SMOC2: variants seen among roughly 807,000 people sequenced by gnomAD.
SMOC2 encodes the protein SPARC-related modular calcium-binding protein 2.
In SMOC2, 39 loss-of-function variants were observed where a neutral mutation model predicts 61.4. The ratio of observed to expected loss-of-function variants is 0.64; its 90% CI spans 0.49 to 0.83. The LOEUF is 0.83. Among genes scored for constraint, SMOC2 ranks in the 40% least tolerant of loss-of-function variants. The pLI is 0.00. For synonymous variants in SMOC2, 247 were observed against 239.9 expected, an observed-to-expected ratio of 1.03 and a Z score of -0.27; for missense variants, 556 against 592.9, an observed-to-expected ratio of 0.94 and a Z score of 0.65.
At chr6:168,637,096 C>T (rs1786759183) in intron 9 of SMOC2, among the ~76,000 whole-genome samples, 1 of 151,956 alleles carries the variant, frequency 6.6e-6, no homozygotes, top group Non-Finnish European at 1.5e-5. Flanking sequence ...TTTATTTTTT[C>T]ACTTTTTTGA....
chr6:168,636,887 C>A (rs1427584157), intron 9 of SMOC2, among the ~76,000 whole-genome samples: 2 of 128,964 alleles, frequency 1.6e-5, no homozygotes, highest in Non-Finnish European at 3.3e-5. Flanking sequence ...CGCCTCCCTC[C>A]TCCCACCTCC....
At chr6:168,558,403 G>T (rs1057208406) in intron 7 of SMOC2, among the ~76,000 whole-genome samples, 1 of 152,132 alleles carries the variant, frequency 6.6e-6, no homozygotes, top group Non-Finnish European at 1.5e-5. Flanking sequence ...CCTCCTGCAT[G>T]CCATCAGTCC....
At chr6:168,502,212 A>C (rs997544712) in intron 1 of SMOC2, among the ~76,000 whole-genome samples, 5 of 152,216 alleles carry the variant, frequency 3.3e-5, no homozygotes, top group African/African-American at 1.2e-4. Context: ...TAACATCTTC[A>C]TATCTTTTCC....
intron 1 of SMOC2, among the ~76,000 whole-genome samples, chr6:168,496,563 T>C (rs1782595360): frequency 6.6e-6 from 1 of 152,238 alleles, no homozygotes; most frequent in South Asian, 2.1e-4. Context: ...ACCAATCGCC[T>C]GTCGCCCCAG....
intron 10 of SMOC2, among the ~76,000 whole-genome samples, chr6:168,651,218 A>C (rs189047507): frequency 6.6e-6 from 1 of 152,340 alleles, no homozygotes; most frequent in Non-Finnish European, 1.5e-5. Flanking sequence ...CAGCACATAC[A>C]TTTGCTGTCC....
At chr6:168,528,171 T>C (rs1783499562) in intron 4 of SMOC2, among the ~76,000 whole-genome samples, 1 of 152,206 alleles carries the variant, frequency 6.6e-6, no homozygotes, top group Non-Finnish European at 1.5e-5. Context: ...TTCAAAATGG[T>C]TTATGTTATT....
chr6:168,655,611 GCACATGTGTGCTGGATCCCCTCA>G, intron 11 of SMOC2: 1 of 342,308 alleles, frequency 2.9e-6, no homozygotes, highest in Non-Finnish European at 5.9e-6. Context: ...AGATCCCCCT[GCACATGTGTGCTGGATCCCCTCA>G]CACGTGTGTG....
intron 9 of SMOC2, among the ~76,000 whole-genome samples, chr6:168,624,192 C>T (rs566415648): frequency 2.6e-5 from 4 of 152,308 alleles, no homozygotes; most frequent in African/African-American, 4.8e-5. Context: ...AGTTCATTTA[C>T]GACTCATGAC....
At chr6:168,558,112 C>G (rs1216969454) in intron 7 of SMOC2, among the ~76,000 whole-genome samples, 2 of 152,238 alleles carry the variant, frequency 1.3e-5, no homozygotes, top group Non-Finnish European at 2.9e-5. Context: ...GAAGCGATCT[C>G]ATGGTAAACA....
intron 9 of SMOC2, among the ~76,000 whole-genome samples, chr6:168,648,324 G>A (rs977925704): frequency 6.6e-6 from 1 of 152,234 alleles, no homozygotes; most frequent in African/African-American, 2.4e-5. Context: ...CGCCTGTCTC[G>A]TCGCCCTGGA....
intron 1 of SMOC2, among the ~76,000 whole-genome samples, chr6:168,459,905 C>T (rs906120686): frequency 6.6e-6 from 1 of 152,044 alleles, no homozygotes; most frequent in African/African-American, 2.4e-5. Context: ...CCCCGAAGTC[C>T]GTGTGGTTGA....
At chr6:168,568,294 T>G (rs946801539) in intron 7 of SMOC2, among the ~76,000 whole-genome samples, 14 of 152,214 alleles carry the variant, frequency 9.2e-5, no homozygotes, top group African/African-American at 3.4e-4. Context: ...TATTTTCTTT[T>G]TCACAGACTT....
At chr6:168,595,727 C>G (rs748524757) in intron 7 of SMOC2, among the ~76,000 whole-genome samples, 1 of 152,200 alleles carries the variant, frequency 6.6e-6, no homozygotes, top group African/African-American at 2.4e-5. Context: ...TAAACATACA[C>G]GAAGTTTCTT....
chr6:168,575,877 A>G (rs1183496909), intron 7 of SMOC2, among the ~76,000 whole-genome samples: 1 of 150,850 alleles, frequency 6.6e-6, no homozygotes, highest in Non-Finnish European at 1.5e-5. Flanking sequence ...ATCATCCTCC[A>G]CCATTGTGAC....
chr6:168,576,754 G>A (rs944814641), intron 7 of SMOC2, among the ~76,000 whole-genome samples: 1 of 152,068 alleles, frequency 6.6e-6, no homozygotes, highest in African/African-American at 2.4e-5. Flanking sequence ...GTAGAAGGAA[G>A]GTTTTCTGGC....
intron 2 of SMOC2, among the ~76,000 whole-genome samples, chr6:168,525,486 C>T (rs1203814151): frequency 6.6e-6 from 1 of 152,226 alleles, no homozygotes; most frequent in Admixed American, 6.5e-5. Context: ...TACTGCTTTT[C>T]ATGTCTCTGT....
At chr6:168,562,793 G>A (rs1394399680) in intron 7 of SMOC2, among the ~76,000 whole-genome samples, 6 of 152,308 alleles carry the variant, frequency 3.9e-5, no homozygotes, top group East Asian at 1.9e-4. Context: ...CCGGGAGAGC[G>A]TTGCCCGTGG....
intron 5 of SMOC2, among the ~76,000 whole-genome samples, 173 bp downstream of exon 5, chr6:168,543,845 T>C (rs55722625): frequency 0.01 from 1,576 of 152,276 alleles, 14 homozygotes; most frequent in African/African-American, 0.036. Flanking sequence ...ACCAGCTCTG[T>C]TGGGCCTGTG....
intron 7 of SMOC2, among the ~76,000 whole-genome samples, chr6:168,590,604 T>A (rs769185680): frequency 4.6e-5 from 7 of 152,204 alleles, no homozygotes; most frequent in Non-Finnish European, 8.8e-5. Flanking sequence ...CCAAAAAACT[T>A]AAAACCTGCA....
Sources: gnomAD v4.1 joint callset for allele counts (sites outside exome capture counted in the v4.1 genomes callset) on GRCh38, gnomAD v4.1.1 for gene constraint, MANE v1.5 for transcripts, NCBI Gene and HGNC (gene_info 2026-07-23, HGNC 2026-07-21) for gene names.